Variants in PHC1 observed in about 807,000 individuals in gnomAD.
The protein encoded by PHC1 is polyhomeotic-like protein 1.
In PHC1, 12 loss-of-function variants were observed where a neutral mutation model predicts 104.3. The ratio of observed to expected loss-of-function variants is 0.12; its 90% confidence interval spans 0.07 to 0.19. The LOEUF (loss-of-function observed/expected upper bound fraction) is 0.19, where lower values mean the gene tolerates loss of function less well. Ranked by LOEUF, PHC1 falls within the 10% of genes least tolerant of loss-of-function variation. PHC1 has a pLI of 1.00. For synonymous variants in PHC1, 302 were observed against 455.8 expected, an observed-to-expected ratio of 0.66 and a Z score of 4.30; for missense variants, 671 against 1,200.0, an observed-to-expected ratio of 0.56 and a Z score of 6.51.
intron 6 of PHC1, among the ~76,000 whole-genome samples, chr12:8,926,869 C>T (rs1037923457): frequency 1.3e-5 from 2 of 152,074 alleles, no homozygotes; most frequent in African/African-American, 2.4e-5. Context: ...GAGCCGAGAT[C>T]GCGCCGTTGT....
Position 8,914,567 on chromosome 12 carries a change from C to CAGGCCCGGAGCG in PHC1, c.-306_-295dup, listed in dbSNP as rs1406677193. On this transcript the variant is annotated 5_prime_UTR_variant, in exon 1 of 15. Coordinates refer to ENST00000544916, the MANE Select transcript of PHC1 (RefSeq NM_004426.3). ...ACCTTCTCGGCCGGGCAGGAAGTGA[C>CAGGCCCGGAGCG]AGGCCCGGAGCGAGCCCCGGAGGCC... 1 of 151,308 alleles carries CAGGCCCGGAGCG rather than the reference C, an allele frequency of 6.6e-6. No individual in the cohort carries two copies. Among genetic ancestry groups the CAGGCCCGGAGCG allele is most frequent in the Non-Finnish European group, 1.5e-5 (1 of 67,720 alleles). The allele number at this position is 151,308 out of a possible 1,614,324, so 9.4% of individuals were successfully genotyped here.
intron 13 of PHC1, 107 bp from the exon 14 acceptor site, chr12:8,937,722 G>GA: frequency 2.6e-6 from 2 of 764,024 alleles, no homozygotes. Flanking sequence ...TTTCACATAT[G>GA]ATAAGATGAG....
At chr12:8,916,220 G>A (rs542210570) in intron 1 of PHC1, among the ~76,000 whole-genome samples, 2 of 152,046 alleles carry the variant, frequency 1.3e-5, no homozygotes, top group African/African-American at 2.4e-5. Context: ...CTAAAGACTG[G>A]GGGGGGATAA....
chr12:8,931,624 C>T (rs1328004594), intron 7 of PHC1, among the ~76,000 whole-genome samples: 5 of 152,132 alleles, frequency 3.3e-5, no homozygotes, highest in Admixed American at 6.5e-5. Context: ...AGCTTGAACC[C>T]GGTTGGCAGA....
chr12:8,937,322 A>G lies in PHC1; in HGVS notation c.2624A>G (p.His875Arg), dbSNP rs540338612. 19 of 1,606,032 alleles carry G rather than the reference A, an allele frequency of 1.2e-5. No individual in the cohort carries two copies. The highest frequency in any genetic ancestry group is 1.6e-5 in the Non-Finnish European group (19 of 1,176,258). Reference sequence around the variant, plus strand: ...CGTGCCAAGATTCAGGGCAAGTGCCACCGGGTGAGCTGCTTGTTGTAGAGC... The same window carrying G: ...CGTGCCAAGATTCAGGGCAAGTGCCGCCGGGTGAGCTGCTTGTTGTAGAGC... ...IARAKIQGKC[H>R]RGQEDSSRGS... The change falls in exon 13 of 15, where the codon CAC becomes CGC. Residue 875 changes from histidine (H) to arginine (R), a missense_variant. Around this residue, in one of 9 missense-constraint regions of PHC1, gnomAD observed 192 missense variants for 280.5 expected, o/e 0.68. Coordinates refer to ENST00000544916, the MANE Select transcript of PHC1 (RefSeq NM_004426.3).
rs1484313628 is a variant in PHC1 at position 8,919,250 on chromosome 12, G to A, written c.115-506G>A. Reference sequence around the variant, plus strand: ...AATTTTTTGTATTTTTAGTAGAGGCGGAGTTTCACCATGTTGGCCAGGCTG... The same window carrying A: ...AATTTTTTGTATTTTTAGTAGAGGCAGAGTTTCACCATGTTGGCCAGGCTG... On this transcript the variant is annotated intron_variant, in intron 2 of 14. Transcript: ENST00000544916. The surrounding 1 kb of genome is among the most constrained non-coding windows in gnomAD (Gnocchi z 4.9). Among the ~76,000 whole-genome samples, 9 of 152,066 alleles carry A rather than the reference G, an allele frequency of 5.9e-5. No homozygotes were observed. Among genetic ancestry groups the A allele is most frequent in the African/African-American group, 9.7e-5 (4 of 41,380 alleles).
At position 8,920,989 on chromosome 12, in the gene PHC1, C is replaced by T; in HGVS notation, c.230C>T (p.Thr77Ile). The change falls in exon 4 of 15, where the codon ACA becomes ATA. Residue 77 changes from threonine to isoleucine, a missense_variant. This residue lies in a region of PHC1 where 237 missense variants were observed against 331.1 expected (regional missense o/e 0.72). Coordinates refer to ENST00000544916, the MANE Select transcript of PHC1 (RefSeq NM_004426.3). ...GTTTCCCTTCCCCTTTAATAGGCCACAATTGCTGCCAGTCGGCAGGCCAGC... is the reference window on the plus strand; with the variant it reads ...GTTTCCCTTCCCCTTTAATAGGCCATAATTGCTGCCAGTCGGCAGGCCAGC... ...LHSLAAVQQA[T>I]IAASRQASSP... 3 of 1,611,656 alleles carry T rather than the reference C, an allele frequency of 1.9e-6. No individual in the cohort carries two copies. Among genetic ancestry groups the T allele is most frequent in the Non-Finnish European group, 2.5e-6 (3 of 1,178,928 alleles).
At chr12:8,927,266 G>C (rs1170957160) in intron 6 of PHC1, among the ~76,000 whole-genome samples, 2 of 152,156 alleles carry the variant, frequency 1.3e-5, no homozygotes, top group Non-Finnish European at 2.9e-5. Context: ...ATGAGTTTGA[G>C]GGGTGTGAAT....
chr12:8,923,817 G>A lies in PHC1; in HGVS notation c.612+1029G>A, dbSNP rs141894227. On this transcript the variant is annotated intron_variant, in intron 6 of 14. Transcript: ENST00000544916. ...TGTGCCCCAGCCTGGGCGACAGAGC[G>A]AGACTCCGTCTCAAAAAAAAAAAAA... 9.7e-3 allele frequency among the ~76,000 whole-genome samples: 1,110 copies of A among 114,850 alleles called. 7 individuals are homozygous for A. The highest frequency in any genetic ancestry group is 0.014 in the Non-Finnish European group (845 of 59,462). 75.3% of individuals were successfully genotyped at this position (114,850 alleles called of 152,430 possible). A position where few individuals can be genotyped will look rare whatever the true frequency, so the allele number is the denominator to read the frequency against.
Position 8,917,940 on chromosome 12 carries a change from C to T in PHC1, c.114+149C>T, listed in dbSNP as rs1050478574. On this transcript the variant is annotated intron_variant, in intron 2 of 14. Transcript: ENST00000544916. ...TAAGCTGTCTTCCAGCTCTGAGAATCTTAGGAGTTTACAAATGTTTAGGCA... is the reference window on the plus strand; with the variant it reads ...TAAGCTGTCTTCCAGCTCTGAGAATTTTAGGAGTTTACAAATGTTTAGGCA... 5 of 580,194 alleles carry T rather than the reference C, an allele frequency of 8.6e-6. No homozygotes were observed. In the African/African-American group the frequency reaches 1.0e-4, roughly 12 times the overall value. The allele number at this position is 580,194 out of a possible 1,614,324, so 35.9% of individuals were successfully genotyped here.
chr12:8,930,926 A>G lies in PHC1; in HGVS notation c.1104A>G (p.Ser368=). The stretch of plus-strand genomic sequence containing the variant: ...CGCCCAGCCAGACACTTATTAGCTC[A>G]GGTAAATTGTCATTCCTCATGTCAT... The part of the protein sequence containing the change: ...TPAPSQTLIS[S]ATYTQIQPHS... Residue 368 remains serine, a splice_region_variant and synonymous_variant, in exon 7 of 15, where the codon TCA becomes TCG. Transcript: ENST00000544916. 2.5e-6 allele frequency: 4 copies of G among 1,601,978 alleles called. No individual in the cohort carries two copies. Among genetic ancestry groups the G allele is most frequent in the Non-Finnish European group, 3.4e-6 (4 of 1,170,446 alleles).
At chr12:8,928,789 G>A (rs149833486) in intron 6 of PHC1, among the ~76,000 whole-genome samples, 109 of 152,290 alleles carry the variant, frequency 7.2e-4, no homozygotes, top group African/African-American at 2.6e-3. Flanking sequence ...TAAGGTACTC[G>A]TGCTGTATGT....
At position 8,939,802 on chromosome 12, in the gene PHC1, A is replaced by G; in HGVS notation, c.*343A>G. ...ATTTAGCCCAGGTCTTAATTCTCCA[A>G]GAGGAGGAATACATAGTATGGTAAG... On this transcript the variant is annotated 3_prime_UTR_variant, in exon 15 of 15. Coordinates refer to ENST00000544916, the MANE Select transcript of PHC1 (RefSeq NM_004426.3). 6.3e-6 allele frequency: 3 copies of G among 474,116 alleles called. No homozygotes were observed. Among genetic ancestry groups the G allele is most frequent in the South Asian group, 4.6e-5 (3 of 64,712 alleles). 29.4% of individuals were successfully genotyped at this position (474,116 alleles called of 1,614,324 possible).
rs1945294078 is a variant in PHC1, at chr12:8,919,401, G to A, written c.115-355G>A. ...AGGCCAGGAGTTCAAGACCAGCCTGGGTAACATAGCAAGACCCCATCTCTA... is the reference window on the plus strand; with the variant it reads ...AGGCCAGGAGTTCAAGACCAGCCTGAGTAACATAGCAAGACCCCATCTCTA... On this transcript the variant is annotated intron_variant, in intron 2 of 14. Transcript: ENST00000544916. The surrounding 1 kb of genome is among the most constrained non-coding windows in gnomAD (Gnocchi z 4.9). 6.6e-6 allele frequency among the ~76,000 whole-genome samples: 1 copy of A among 152,076 alleles called. No individual in the cohort carries two copies. Among genetic ancestry groups the A allele is most frequent in the Admixed American group, 6.6e-5 (1 of 15,258 alleles).
At chr12:8,924,660 CAT>C (rs1945465967) in intron 6 of PHC1, among the ~76,000 whole-genome samples, 1 of 152,030 alleles carries the variant, frequency 6.6e-6, no homozygotes, top group South Asian at 2.1e-4. Context: ...AGAGTATAGT[CAT>C]ATATTTAAAT....
At chr12:8,914,405 G>A (rs1457242842), upstream of PHC1, 2 of 151,012 alleles carry the variant, frequency 1.3e-5, no homozygotes, top group South Asian at 2.1e-4. Flanking sequence ...AGGAAACGAG[G>A]GACGCGCGGG....
intron 5 of PHC1, 78 bp from the exon 6 acceptor site, chr12:8,922,555 G>A (rs1285677006): frequency 1.1e-5 from 14 of 1,275,402 alleles, no homozygotes; most frequent in Non-Finnish European, 1.5e-5. Context: ...ATTTTGTCTT[G>A]TGGTCCTTCC....
In PHC1 at chr12:8,914,618, C is replaced by A. The variant is rs938509683; in HGVS notation, c.-258C>A. On this transcript the variant is annotated 5_prime_UTR_variant, in exon 1 of 15. Transcript: ENST00000544916. ...TGGCTGAGCCGCGGCCGGGCCCGCA[C>A]CCGGAGCGGCGGGAGGGGCGGGGAG... is the stretch of plus-strand genomic sequence containing the variant. The A allele has an allele frequency of 6.6e-6, 1 of 150,680 alleles. No individual in the cohort carries two copies. Among genetic ancestry groups the A allele is most frequent in the Non-Finnish European group, 1.5e-5 (1 of 67,514 alleles). The allele number at this position is 150,680 out of a possible 1,614,324, so 9.3% of individuals were successfully genotyped here.
rs1162008185 is a variant in PHC1, at chr12:8,919,918, G to A, written c.225+52G>A. On this transcript the variant is annotated intron_variant, in intron 3 of 14. Transcript: ENST00000544916. The surrounding 1 kb of genome is among the most constrained non-coding windows in gnomAD (Gnocchi z 4.9). ...GAGAGGGAGGGGACAGGCACTACAG[G>A]TGGGTAGGGGAGATTTTTTGGGCAT... 1.3e-6 allele frequency: 2 copies of A among 1,573,130 alleles called. No homozygotes were observed. Among genetic ancestry groups the A allele is most frequent in the Middle Eastern group, 1.7e-4 (1 of 6,010 alleles).
Sources: gnomAD v4.1 joint callset for allele counts (sites outside exome capture counted in the v4.1 genomes callset) on GRCh38, gnomAD v4.1.1 for gene constraint, gnomAD v4.1.1 regional missense constraint, Gnocchi (gnomAD v3.1) non-coding constraint, MANE v1.5 for transcripts, NCBI Gene and HGNC (gene_info 2026-07-23, HGNC 2026-07-21) for gene names.